MYO6: variants seen among roughly 807,000 people sequenced by gnomAD.
The protein encoded by MYO6 is unconventional myosin-VI.
MYO6 carries 74 observed loss-of-function variants against 178.7 expected under a neutral mutation model. That is an observed-to-expected ratio of 0.41 (90% CI 0.34 to 0.50). The LOEUF (loss-of-function observed/expected upper bound fraction) is 0.50. MYO6 is among the 20% of genes least tolerant of loss of function. The pLI is 0.09. For synonymous variants in MYO6, 477 were observed against 504.6 expected (o/e 0.95, Z 0.73); for missense variants, 1,330 against 1,547.4 (o/e 0.86, Z 2.36).
chr6:75,854,685 A>G (rs1042523804), intron 11 of MYO6, among the ~76,000 whole-genome samples: 1 of 152,190 alleles, frequency 6.6e-6, no homozygotes, highest in Non-Finnish European at 1.5e-5. Context: ...ACGTATATGC[A>G]TAAACACATC....
chr6:75,778,188 G>A (rs1766579863), intron 1 of MYO6, among the ~76,000 whole-genome samples: 1 of 151,792 alleles, frequency 6.6e-6, no homozygotes, highest in East Asian at 1.9e-4. Flanking sequence ...TATATTTTAT[G>A]GTTTCTTAAG....
intron 30 of MYO6, among the ~76,000 whole-genome samples, chr6:75,903,917 G>T (rs1392483862): frequency 3.8e-4 from 58 of 151,274 alleles, no homozygotes; most frequent in African/African-American, 1.4e-3. Flanking sequence ...TTTTAGGGCA[G>T]GCCTGGTGGT....
chr6:75,769,628 G>C (rs578194120), intron 1 of MYO6, among the ~76,000 whole-genome samples: 20 of 152,316 alleles, frequency 1.3e-4, no homozygotes, highest in African/African-American at 4.8e-4. Context: ...TAGGCTGGGC[G>C]TGGTGGCTCA....
chr6:75,770,224 C>T (rs1215980799), intron 1 of MYO6, among the ~76,000 whole-genome samples: 2 of 152,330 alleles, frequency 1.3e-5, no homozygotes, highest in African/African-American at 4.8e-5. Flanking sequence ...GATGCTGCAG[C>T]CCTGCTTATA....
At position 75,888,307 on chromosome 6, in the gene MYO6, TAATATA is replaced by T. The variant is rs1164823829; in HGVS notation, c.2658+1315_2658+1320del. Among the ~76,000 whole-genome samples, 75 of 148,884 alleles carry T rather than the reference TAATATA, an allele frequency of 5.0e-4. No homozygotes were observed. The South Asian group carries it at 7.1e-3, about 14-fold the overall frequency. On this transcript the variant is annotated intron_variant, in intron 25 of 34. Coordinates refer to ENST00000369977, the MANE Select transcript of MYO6 (RefSeq NM_004999.4). ...AAAATAAATAAATAAATGATAAAAG[TAATATA>T]ATACTATAAAAAATTTGGAGGCCAG...
At chr6:75,822,217 C>T (rs935749680) in intron 2 of MYO6, among the ~76,000 whole-genome samples, 5 of 151,988 alleles carry the variant, frequency 3.3e-5, no homozygotes, top group African/African-American at 7.3e-5. Context: ...CCTGCCTCAG[C>T]CTCCCCAGTA....
At chr6:75,811,610 T>C (rs1170894032) in intron 1 of MYO6, among the ~76,000 whole-genome samples, 1 of 152,244 alleles carries the variant, frequency 6.6e-6, no homozygotes, top group East Asian at 1.9e-4. Context: ...TTGGGAGTTT[T>C]GCTTTGCTGT....
chr6:75,774,178 T>G (rs1328382353), intron 1 of MYO6, among the ~76,000 whole-genome samples: 2 of 152,186 alleles, frequency 1.3e-5, no homozygotes, highest in African/African-American at 2.4e-5. Context: ...TTTTTTGAGA[T>G]GTTAAATATA....
chr6:75,895,621 G>A (rs1446427411), intron 29 of MYO6, among the ~76,000 whole-genome samples: 1 of 151,352 alleles, frequency 6.6e-6, no homozygotes, highest in South Asian at 2.1e-4. Context: ...GGGTTCAAGC[G>A]ACTCTCCTGC....
Position 75,832,856 on chromosome 6 carries a change from C to A in MYO6, c.406C>A (p.Arg136=), listed in dbSNP as rs758630450. The change falls in exon 6 of 35, where the codon CGA becomes AGA. Residue 136 remains arginine (R), a synonymous_variant. Transcript: ENST00000369977. ...HVFAIADKAF[R]DMKVLKMSQS... ...TTTGACCCTAGCTGATAAAGCTTTT[C>A]GAGACATGAAGGTGCTCAAGATGAG... 8.7e-6 allele frequency: 14 copies of A among 1,612,346 alleles called. No individual in the cohort carries two copies. Among genetic ancestry groups the A allele is most frequent in the Non-Finnish European group, 1.2e-5 (14 of 1,178,562 alleles).
chr6:75,865,707 TG>T (rs1456104571), intron 16 of MYO6, among the ~76,000 whole-genome samples: 3 of 145,548 alleles, frequency 2.1e-5, no homozygotes, highest in Admixed American at 6.8e-5. Context: ...AAGGGTCAGA[TG>T]TGATCTTGTA....
chr6:75,827,834 G>A (rs1772638443), intron 3 of MYO6, among the ~76,000 whole-genome samples: 1 of 152,140 alleles, frequency 6.6e-6, no homozygotes, highest in Non-Finnish European at 1.5e-5. Flanking sequence ...TTCAGTGACA[G>A]AGAAAATGGT....
intron 1 of MYO6, among the ~76,000 whole-genome samples, chr6:75,813,542 G>A (rs74778177): frequency 0.016 from 2,461 of 152,228 alleles, 64 homozygotes; most frequent in African/African-American, 0.057. Context: ...GGCTGAGCTG[G>A]TACCCAGGCT....
At position 75,803,809 on chromosome 6, in the gene MYO6, A is replaced by G. The variant is rs528846447; in HGVS notation, c.-47-13692A>G. ...AGTACTTATGTTCAATTAATACTAT[A>G]TCATAGCAATAAAAAACCCAAATTT... is the stretch of plus-strand genomic sequence containing the variant. On this transcript the variant is annotated intron_variant, in intron 1 of 34. Transcript: ENST00000369977. Among the ~76,000 whole-genome samples, 8 of 152,330 alleles carry G rather than the reference A, an allele frequency of 5.3e-5. No individual in the cohort carries two copies. In the East Asian group the frequency reaches 1.5e-3, roughly 29 times the overall value.
intron 1 of MYO6, among the ~76,000 whole-genome samples, chr6:75,753,542 A>G (rs575659949): frequency 1.8e-4 from 27 of 150,680 alleles, no homozygotes; most frequent in Non-Finnish European, 3.0e-4. Context: ...GCTTACTGCA[A>G]CCTCCATCTC....
At chr6:75,828,081 G>A (rs1389780868) in intron 3 of MYO6, among the ~76,000 whole-genome samples, 3 of 152,128 alleles carry the variant, frequency 2.0e-5, no homozygotes, top group Admixed American at 6.5e-5. Flanking sequence ...TCTTCATTAT[G>A]TCAGTTGTGA....
intron 23 of MYO6, among the ~76,000 whole-genome samples, chr6:75,882,740 CAT>C (rs1246488822): frequency 6.6e-5 from 10 of 152,050 alleles, no homozygotes; most frequent in African/African-American, 2.2e-4. Flanking sequence ...AGGCAATAAA[CAT>C]ATATGTTTAT....
chr6:75,817,750 G>T, intron 2 of MYO6, 86 bp downstream of exon 2: 2 of 1,145,130 alleles, frequency 1.7e-6, no homozygotes. Flanking sequence ...TCTTCTTAAT[G>T]AGGTAGATAT....
Position 75,867,175 on chromosome 6 carries a change from A to G in MYO6, c.1944+70A>G, listed in dbSNP as rs541759618. On this transcript the variant is annotated intron_variant, in intron 18 of 34. Transcript: ENST00000369977. ...ATTATTGTTTTATATTCTAAAATGG[A>G]TAATGTAGATCACTGTCAGAAATCT... The G allele has an allele frequency of 4.0e-6, 5 of 1,252,104 alleles. No homozygotes were observed. In the East Asian group the frequency reaches 1.0e-4, roughly 26 times the overall value. The allele number at this position is 1,252,104 out of a possible 1,614,324, so 77.6% of individuals were successfully genotyped here.
Sources: allele counts gnomAD v4.1 joint callset (sites outside exome capture counted in the v4.1 genomes callset), GRCh38; gene constraint gnomAD v4.1.1; transcripts MANE v1.5; gene names NCBI Gene and HGNC (gene_info 2026-07-23, HGNC 2026-07-21).